The following EPHB1 variants were observed in gnomAD, a reference collection of about 807,000 sequenced individuals.
The protein encoded by EPHB1 is ephrin type-B receptor 1.
A neutral mutation model predicts 94.4 loss-of-function variants in EPHB1; 30 were observed. The observed-to-expected ratio is 0.32, with a 90% CI of 0.24 to 0.43. The LOEUF (loss-of-function observed/expected upper bound fraction) is 0.43, where lower values mean the gene tolerates loss of function less well. Ranked by LOEUF, EPHB1 falls within the 20% of genes least tolerant of loss-of-function variation. The pLI is 1.00. For synonymous variants in EPHB1, 522 were observed against 489.1 expected, an observed-to-expected ratio of 1.07 and a Z score of -0.89; for missense variants, 1,055 against 1,308.3, an observed-to-expected ratio of 0.81 and a Z score of 2.99.
At chr3:135,103,356 T>C (rs1576386308) in intron 3 of EPHB1, among the ~76,000 whole-genome samples, 1 of 152,184 alleles carries the variant, frequency 6.6e-6, no homozygotes, top group Admixed American at 6.5e-5. Flanking sequence ...TAGAAACACA[T>C]TCTTCCATTG....
intron 3 of EPHB1, among the ~76,000 whole-genome samples, chr3:135,021,285 T>C (rs1935979593): frequency 6.6e-6 from 1 of 152,206 alleles, no homozygotes; most frequent in South Asian, 2.1e-4. Context: ...AAATAATACA[T>C]TAATTTGGGA....
chr3:135,052,783 C>A (rs984213482), intron 3 of EPHB1, among the ~76,000 whole-genome samples: 2 of 132,268 alleles, frequency 1.5e-5, no homozygotes, highest in African/African-American at 5.7e-5. Flanking sequence ...ATGGCGTGAA[C>A]CCGGGAGGCG....
chr3:135,019,525 A>C (rs966422963), intron 3 of EPHB1, among the ~76,000 whole-genome samples: 1 of 152,360 alleles, frequency 6.6e-6, no homozygotes, highest in African/African-American at 2.4e-5. Context: ...GAAACATGGA[A>C]GATATGGGAG....
At chr3:134,919,418 A>G (rs1483748707) in intron 1 of EPHB1, among the ~76,000 whole-genome samples, 9 of 152,328 alleles carry the variant, frequency 5.9e-5, no homozygotes, top group Non-Finnish European at 1.3e-4. Flanking sequence ...TTAACAGTTT[A>G]CAGTCAACCA....
In EPHB1 at chr3:135,050,928, G is replaced by A. The variant is rs1007388651; in HGVS notation, c.806-55520G>A. Among the ~76,000 whole-genome samples the A allele has an allele frequency of 3.4e-4, 51 of 152,106 alleles. 1 individual carries two copies. The South Asian group carries it at 0.011, about 32-fold the overall frequency. On this transcript the variant is annotated intron_variant, in intron 3 of 15. Transcript: ENST00000398015. ...AAACACCCTTTGTGTGTGTGTGTGTGTGTGTGTGTGTGTGTGTGTTTAAGA... is the reference window on the plus strand; with the variant it reads ...AAACACCCTTTGTGTGTGTGTGTGTATGTGTGTGTGTGTGTGTGTTTAAGA...
At chr3:134,916,732 C>T (rs572215216) in intron 1 of EPHB1, among the ~76,000 whole-genome samples, 12 of 146,584 alleles carry the variant, frequency 8.2e-5, no homozygotes, top group South Asian at 2.2e-4. Flanking sequence ...TGTTCCCACC[C>T]GTGCCTCTCC....
intron 4 of EPHB1, among the ~76,000 whole-genome samples, chr3:135,112,946 G>A (rs948113276): frequency 1.3e-5 from 2 of 152,186 alleles, no homozygotes; most frequent in African/African-American, 4.8e-5. Context: ...ACCCATCGCT[G>A]ACCAGGGCTT....
At chr3:134,813,412 C>A (rs913543813) in intron 1 of EPHB1, among the ~76,000 whole-genome samples, 7 of 152,154 alleles carry the variant, frequency 4.6e-5, no homozygotes, top group Non-Finnish European at 1.5e-5. Flanking sequence ...TCCCAAGGGT[C>A]CTGCTTCTCC....
chr3:134,992,574 C>A (rs1934850939), intron 3 of EPHB1, among the ~76,000 whole-genome samples: 1 of 152,174 alleles, frequency 6.6e-6, no homozygotes, highest in South Asian at 2.1e-4. Flanking sequence ...CAAGGTGATC[C>A]CTGCACAGCG....
intron 4 of EPHB1, among the ~76,000 whole-genome samples, chr3:135,107,276 C>G (rs2107799412): frequency 6.6e-6 from 1 of 152,304 alleles, no homozygotes; most frequent in East Asian, 1.9e-4. Context: ...GAGGGAAGAG[C>G]AGTCTCCCTG....
chr3:135,169,041 A>G (rs1315585376), intron 9 of EPHB1, among the ~76,000 whole-genome samples: 1 of 152,074 alleles, frequency 6.6e-6, no homozygotes. Context: ...GCAACCTGAG[A>G]TCTGGCTGTT....
intron 3 of EPHB1, among the ~76,000 whole-genome samples, chr3:134,963,834 A>C (rs745998635): frequency 6.6e-6 from 1 of 152,204 alleles, no homozygotes; most frequent in Non-Finnish European, 1.5e-5. Flanking sequence ...CACAAAGAAA[A>C]GTCATCAGAA....
chr3:134,881,397 G>A (rs376844133), intron 1 of EPHB1, among the ~76,000 whole-genome samples: 1 of 152,238 alleles, frequency 6.6e-6, no homozygotes, highest in South Asian at 2.1e-4. Flanking sequence ...AGGAGAACCC[G>A]AGAAGCAGAG....
intron 3 of EPHB1, among the ~76,000 whole-genome samples, chr3:134,975,227 A>G (rs1395186984): frequency 6.6e-6 from 1 of 152,102 alleles, no homozygotes; most frequent in Non-Finnish European, 1.5e-5. Context: ...GGACTCAGAG[A>G]GCTCAGGGAC....
intron 1 of EPHB1, among the ~76,000 whole-genome samples, chr3:134,850,879 A>C (rs1393703470): frequency 1.3e-5 from 2 of 152,246 alleles, no homozygotes; most frequent in African/African-American, 2.4e-5. Context: ...AGATCATTCT[A>C]ACCTGTTGGT....
chr3:134,947,042 C>A (rs1290993303), intron 2 of EPHB1, among the ~76,000 whole-genome samples: 2 of 152,160 alleles, frequency 1.3e-5, no homozygotes, highest in African/African-American at 4.8e-5. Context: ...GCAGTTAACA[C>A]AAATGTAATT....
rs570136079 is a variant in EPHB1, at chr3:135,143,186, A to T, written c.1297+10137A>T. Among the ~76,000 whole-genome samples the T allele has an allele frequency of 6.4e-4, 97 of 152,086 alleles. 1 individual carries two copies. The highest frequency in any genetic ancestry group is 1.2e-3 in the Non-Finnish European group (82 of 67,962). On this transcript the variant is annotated intron_variant, in intron 5 of 15. Coordinates refer to ENST00000398015, the MANE Select transcript of EPHB1 (RefSeq NM_004441.5). ...GGCCCAGGGTGGGGGTGGGCTCAGTAGTCAGTGGGAAAGTCAGAATCAAGA... is the reference window on the plus strand; with the variant it reads ...GGCCCAGGGTGGGGGTGGGCTCAGTTGTCAGTGGGAAAGTCAGAATCAAGA...
At chr3:135,001,207 C>A (rs1576306599) in intron 3 of EPHB1, among the ~76,000 whole-genome samples, 1 of 152,146 alleles carries the variant, frequency 6.6e-6, no homozygotes, top group African/African-American at 2.4e-5. Context: ...GGGGAGCCTG[C>A]ACCTTCCATC....
chr3:135,020,713 G>A (rs1399031260), intron 3 of EPHB1, among the ~76,000 whole-genome samples: 2 of 152,070 alleles, frequency 1.3e-5, no homozygotes, highest in African/African-American at 4.8e-5. Context: ...GAGGTTAGGT[G>A]TCCTCTAGTT....
Sources: allele counts gnomAD v4.1 joint callset (sites outside exome capture counted in the v4.1 genomes callset), GRCh38; gene constraint gnomAD v4.1.1; transcripts MANE v1.5; gene names NCBI Gene and HGNC (gene_info 2026-07-23, HGNC 2026-07-21).